Variants in RBM19 observed in about 807,000 individuals in gnomAD.
The protein encoded by RBM19 is RNA binding motif protein 19, also known as probable RNA-binding protein 19.
In RBM19, 94 loss-of-function variants were observed where a neutral mutation model predicts 116.8. That is an observed-to-expected ratio of 0.80 (90% CI 0.68 to 0.95). The LOEUF is 0.95. RBM19 is among the 40% of genes least tolerant of loss of function. The pLI is 0.00. For synonymous variants in RBM19, 475 were observed against 494.1 expected (o/e 0.96, Z 0.51); for missense variants, 1,161 against 1,220.7 (o/e 0.95, Z 0.73).
At chr12:113,869,719 G>GA (rs76724316) in intron 21 of RBM19, among the ~76,000 whole-genome samples, 29 of 147,894 alleles carry the variant, frequency 2.0e-4, no homozygotes, top group African/African-American at 3.0e-4. Context: ...AATTAAAGAG[G>GA]AAAAAAAAAA....
chr12:113,898,053 C>T lies in RBM19; in HGVS notation c.2558+16916G>A, dbSNP rs977292181. 1.3e-5 allele frequency among the ~76,000 whole-genome samples: 2 copies of T among 152,140 alleles called. No individual in the cohort carries two copies. The highest frequency in any genetic ancestry group is 2.9e-5 in the Non-Finnish European group (2 of 68,028). ...AGGTGGGCTTGGCTGGGAAAAAGAT[C>T]TACAGGTCTAAGTGAACCTGACAGG... On this transcript the variant is annotated intron_variant, in intron 21 of 23. Coordinates refer to ENST00000261741, the MANE Select transcript of RBM19 (RefSeq NM_016196.4). This position sits in a 1 kb window ranked among gnomAD's most constrained non-coding sequence, Gnocchi z 4.3.
intron 8 of RBM19, among the ~76,000 whole-genome samples, chr12:113,951,697 A>G (rs1871480005): frequency 1.3e-5 from 2 of 152,182 alleles, no homozygotes; most frequent in African/African-American, 4.8e-5. Context: ...GGCTGAATGG[A>G]TCAGCTGGGT....
intron 21 of RBM19, among the ~76,000 whole-genome samples, chr12:113,904,812 T>A (rs1881936626): frequency 6.6e-6 from 1 of 152,170 alleles, no homozygotes. Context: ...CTGTGAGGGA[T>A]GCACATTCCA....
rs760355298 is a variant in RBM19, at chr12:113,933,506, C to T, written c.2068+3501G>A. 4.0e-5 allele frequency among the ~76,000 whole-genome samples: 6 copies of T among 151,444 alleles called. No individual in the cohort carries two copies. In the East Asian group the frequency reaches 9.7e-4, roughly 25 times the overall value. On this transcript the variant is annotated intron_variant, in intron 16 of 23. Transcript: ENST00000261741. ...GCGGGGCTTGGAATTAGCACAGACA[C>T]GCACAACTTCCCGGGCCAAAGGAGG...
At chr12:113,866,441 T>C (rs886640014) in intron 21 of RBM19, among the ~76,000 whole-genome samples, 1 of 152,176 alleles carries the variant, frequency 6.6e-6, no homozygotes, top group Admixed American at 6.5e-5. Flanking sequence ...TAAATGGTAT[T>C]TCTAAATCAG....
chr12:113,946,395 G>C lies in RBM19; in HGVS notation c.1488C>G (p.Tyr496Ter). Reference sequence around the variant, plus strand: ...TGTCCTGGGCCTCCTTCTTCTTCTTGTAGGACGACGATCCCAGGGCACTGG... The same window carrying C: ...TGTCCTGGGCCTCCTTCTTCTTCTTCTAGGACGACGATCCCAGGGCACTGG... ...EDASALGSSS[Y>*]KKKKEAQDKA... The change falls in exon 12 of 24, where the codon TAC becomes TAG. Residue 496 changes from tyrosine to a stop codon, truncating the protein, a stop_gained. Transcript: ENST00000261741. LOFTEE classifies it high-confidence loss of function. 6.2e-7 allele frequency: 1 copy of C among 1,614,078 alleles called. No individual in the cohort carries two copies. Among genetic ancestry groups the C allele is most frequent in the Non-Finnish European group, 8.5e-7 (1 of 1,180,008 alleles).
chr12:113,957,711 G>C lies in RBM19; in HGVS notation c.840+71C>G, dbSNP rs1048052507. On this transcript the variant is annotated intron_variant, in intron 6 of 23. Transcript: ENST00000261741. ...CCCAACATTCCGCTCTCCTAACAGA[G>C]GAGCTGTGGGGACCACGGGCAAGCA... 6 of 1,507,844 alleles carry C rather than the reference G, an allele frequency of 4.0e-6. No individual in the cohort carries two copies. In the African/African-American group the frequency reaches 8.4e-5, roughly 21 times the overall value. 93.4% of individuals were successfully genotyped at this position (1,507,844 alleles called of 1,614,324 possible). A position where few individuals can be genotyped will look rare whatever the true frequency, so the allele number is the denominator to read the frequency against.
intron 21 of RBM19, among the ~76,000 whole-genome samples, chr12:113,907,530 A>G (rs186568666): frequency 6.6e-6 from 1 of 152,382 alleles, no homozygotes; most frequent in East Asian, 1.9e-4. Flanking sequence ...GAAGAGTGGG[A>G]ATATCCTGAT....
At chr12:113,820,612 C>T (rs1406846043), downstream of RBM19, among the ~76,000 whole-genome samples, 1 of 152,064 alleles carries the variant, frequency 6.6e-6, no homozygotes, top group Non-Finnish European at 1.5e-5. Flanking sequence ...ACTGGCTGCA[C>T]GAGGACAGCT....
intron 21 of RBM19, among the ~76,000 whole-genome samples, chr12:113,872,395 G>C (rs554292752): frequency 2.0e-5 from 3 of 149,590 alleles, no homozygotes; most frequent in African/African-American, 7.3e-5. Flanking sequence ...GAGGGAGGTG[G>C]GGGGGTCAGC....
intron 21 of RBM19, among the ~76,000 whole-genome samples, chr12:113,911,759 T>G (rs1882441363): frequency 6.6e-6 from 1 of 152,108 alleles, no homozygotes; most frequent in African/African-American, 2.4e-5. Flanking sequence ...CGGTGATGAA[T>G]GGGCCCCCAG....
At chr12:113,932,618 C>T (rs896501535) in intron 16 of RBM19, 1 of 152,142 alleles carries the variant, frequency 6.6e-6, no homozygotes, top group African/African-American at 2.4e-5. Context: ...TCCAGAGAGG[C>T]GTGGAGACAG....
chr12:113,903,954 T>C lies in RBM19; in HGVS notation c.2558+11015A>G, dbSNP rs138750278. ...GACCATGGGATTCTGTTGAGCTACATCCCACAGCTGGTTAATGTGAACCCT... is the reference window on the plus strand; with the variant it reads ...GACCATGGGATTCTGTTGAGCTACACCCCACAGCTGGTTAATGTGAACCCT... On this transcript the variant is annotated intron_variant, in intron 21 of 23. Transcript: ENST00000261741. The surrounding 1 kb of genome is among the most constrained non-coding windows in gnomAD (Gnocchi z 5.1). Among the ~76,000 whole-genome samples, 1 of 152,360 alleles carries C rather than the reference T, an allele frequency of 6.6e-6. No individual in the cohort carries two copies. The highest frequency in any genetic ancestry group is 6.5e-5 in the Admixed American group (1 of 15,308).
chr12:113,940,863 C>A (rs1363211945), intron 14 of RBM19, among the ~76,000 whole-genome samples: 3 of 152,196 alleles, frequency 2.0e-5, no homozygotes, highest in Non-Finnish European at 4.4e-5. Flanking sequence ...TTAACTGTGC[C>A]TCAGCTCCCG....
At chr12:113,950,021 G>A in intron 9 of RBM19, 62 bp downstream of exon 9, 1 of 1,412,742 alleles carries the variant, frequency 7.1e-7, no homozygotes, top group Non-Finnish European at 9.9e-7. Context: ...AACGTGTAAA[G>A]GAAATGAAGG....
intron 23 of RBM19, among the ~76,000 whole-genome samples, chr12:113,830,176 G>T (rs1169567186): frequency 1.3e-5 from 2 of 152,118 alleles, no homozygotes; most frequent in Non-Finnish European, 2.9e-5. Context: ...CCTAGGATGG[G>T]GGTCTCAACA....
intron 13 of RBM19, among the ~76,000 whole-genome samples, chr12:113,944,959 A>G (rs1354005965): frequency 1.3e-5 from 2 of 152,126 alleles, no homozygotes; most frequent in African/African-American, 4.8e-5. Flanking sequence ...AGAAGGTACA[A>G]AGCACATATA....
Position 113,858,884 on chromosome 12 carries a change from C to G in RBM19, c.2571G>C (p.Glu857Asp), listed in dbSNP as rs948426316. The G allele has an allele frequency of 4.3e-6, 7 of 1,614,058 alleles. No homozygotes were observed. The African/African-American group carries it at 8.0e-5, about 18-fold the overall frequency. Residue 857 changes from glutamate (E) to aspartate (D), a missense_variant, in exon 22 of 24, where the codon GAG becomes GAC. By Grantham distance (45) the Glu-to-Asp change is conservative. Transcript: ENST00000261741. ...TCTTTGGCAGGCGGACCGTCTTCAA[C>G]TCCCCAAAGGTGCTAGAAACAAAAG... The part of the protein sequence containing the change: ...EIRELFSTFG[E>D]LKTVRLPKKM...
intron 18 of RBM19, among the ~76,000 whole-genome samples, chr12:113,922,183 A>G (rs1444875542): frequency 6.6e-6 from 1 of 152,156 alleles, no homozygotes; most frequent in Non-Finnish European, 1.5e-5. Flanking sequence ...CGGCAGGCGG[A>G]AAGGCATTCT....
Sources: allele counts gnomAD v4.1 joint callset (sites outside exome capture counted in the v4.1 genomes callset), GRCh38; gene constraint gnomAD v4.1.1; non-coding constraint Gnocchi (gnomAD v3.1); transcripts MANE v1.5; gene names NCBI Gene and HGNC (gene_info 2026-07-23, HGNC 2026-07-21).